Variants in BNC2 observed in about 807,000 individuals in gnomAD.
BNC2 encodes the protein zinc finger protein basonuclin-2.
Under a neutral mutation model 76.3 loss-of-function variants are expected in BNC2, and 20 were observed. The ratio of observed to expected loss-of-function variants is 0.26; its 90% confidence interval spans 0.18 to 0.38. The LOEUF is 0.38. Ranked by LOEUF, BNC2 falls within the 10% of genes least tolerant of loss-of-function variation. The pLI is 1.00. For synonymous variants in BNC2, 582 were observed against 514.8 expected, an observed-to-expected ratio of 1.13 and a Z score of -1.77; for missense variants, 1,382 against 1,399.8, an observed-to-expected ratio of 0.99 and a Z score of 0.20.
chr9:16,743,065 A>C (rs1824895938), intron 1 of BNC2, among the ~76,000 whole-genome samples: 1 of 152,176 alleles, frequency 6.6e-6, no homozygotes, highest in Non-Finnish European at 1.5e-5. Context: ...ACCCATGCTC[A>C]TTTCTTTTCT....
rs971626661 is a variant in BNC2 at position 16,411,568 on chromosome 9, G to T, written c.*7421C>A. On this transcript the variant is annotated 3_prime_UTR_variant, in exon 7 of 7. Coordinates refer to ENST00000380672, the MANE Select transcript of BNC2 (RefSeq NM_017637.6). ...GATTCTATTAAGATGTCTGATAAAC[G>T]ATTGTAACATATACATACTGAGGAA... 3.9e-5 allele frequency: 6 copies of T among 152,530 alleles called. No individual in the cohort carries two copies. Among genetic ancestry groups the T allele is most frequent in the Admixed American group, 6.5e-5 (1 of 15,272 alleles). The allele number at this position is 152,530 out of a possible 1,614,324, so 9.4% of individuals were successfully genotyped here.
intron 3 of BNC2, among the ~76,000 whole-genome samples, chr9:16,723,306 G>A (rs1192446847): frequency 1.3e-5 from 2 of 152,022 alleles, no homozygotes; most frequent in East Asian, 1.9e-4. Context: ...GCTTTACTCA[G>A]GGCTTTGATT....
chr9:16,742,942 G>C (rs548223672), intron 1 of BNC2, among the ~76,000 whole-genome samples: 2 of 152,288 alleles, frequency 1.3e-5, no homozygotes, highest in African/African-American at 4.8e-5. Flanking sequence ...ATGGGGGATG[G>C]AAACATCTCA....
intron 1 of BNC2, among the ~76,000 whole-genome samples, chr9:16,791,911 T>C (rs1357683951): frequency 6.6e-6 from 1 of 152,128 alleles, no homozygotes; most frequent in Non-Finnish European, 1.5e-5. Flanking sequence ...GAGACCAGCC[T>C]GGGCAGCATG....
intron 1 of BNC2, among the ~76,000 whole-genome samples, chr9:16,828,560 T>TAAAA (rs1362605912): frequency 2.0e-5 from 3 of 152,166 alleles, no homozygotes; most frequent in Non-Finnish European, 2.9e-5. Context: ...GACAGCAGAC[T>TAAAA]ACGGTCCCAC....
chr9:16,768,869 G>C (rs1395513604), intron 1 of BNC2, among the ~76,000 whole-genome samples: 1 of 152,180 alleles, frequency 6.6e-6, no homozygotes, highest in Non-Finnish European at 1.5e-5. Flanking sequence ...AATTTAAACA[G>C]GGTTCAGAAA....
intron 6 of BNC2, 104 bp from the exon 7 acceptor site, chr9:16,419,753 T>C (rs1820672994): frequency 2.6e-6 from 2 of 767,414 alleles, no homozygotes; most frequent in South Asian, 1.5e-5. Context: ...AGGTATCAAA[T>C]AAGCACATTC....
intron 1 of BNC2, among the ~76,000 whole-genome samples, chr9:16,846,258 T>C (rs1818981869): frequency 6.6e-6 from 1 of 152,186 alleles, no homozygotes; most frequent in African/African-American, 2.4e-5. Context: ...TACATTAACT[T>C]AATAAGAGGA....
At chr9:16,590,266 C>T (rs1030028480) in intron 3 of BNC2, among the ~76,000 whole-genome samples, 2 of 152,054 alleles carry the variant, frequency 1.3e-5, no homozygotes, top group Admixed American at 6.5e-5. Flanking sequence ...AATCTTGGCT[C>T]GCTGCAACCT....
chr9:16,724,164 C>T (rs1212553987), intron 3 of BNC2, among the ~76,000 whole-genome samples: 1 of 151,938 alleles, frequency 6.6e-6, no homozygotes, highest in Non-Finnish European at 1.5e-5. Context: ...TCTCTAGTAA[C>T]ACATTAAATG....
intron 3 of BNC2, among the ~76,000 whole-genome samples, chr9:16,591,655 T>C (rs1819933583): frequency 6.6e-6 from 1 of 152,190 alleles, no homozygotes; most frequent in Non-Finnish European, 1.5e-5. Flanking sequence ...CACAAGCATG[T>C]TAAACCATAG....
Position 16,861,181 on chromosome 9 carries a change from A to AATAT in BNC2, c.3+9461_3+9464dup, listed in dbSNP as rs71327866. ...ACATGGTAATACCCTATCTCTACAA[A>AATAT]ATATATATATATATATATATAAATT... On this transcript the variant is annotated intron_variant, in intron 1 of 6. Transcript: ENST00000380672. Among the ~76,000 whole-genome samples the AATAT allele has an allele frequency of 2.3e-3, 300 of 131,748 alleles. 21 individuals carry two copies. Among genetic ancestry groups the AATAT allele is most frequent in the African/African-American group, 8.7e-3 (279 of 32,116 alleles). The allele number at this position is 131,748 out of a possible 152,430, so 86.4% of individuals were successfully genotyped here.
intron 5 of BNC2, among the ~76,000 whole-genome samples, chr9:16,508,408 C>T (rs1173505894): frequency 6.6e-6 from 1 of 152,188 alleles, no homozygotes; most frequent in East Asian, 1.9e-4. Flanking sequence ...AAAAGAGACA[C>T]AGTCCTTCGA....
At chr9:16,805,922 AGT>A (rs1436458468) in intron 1 of BNC2, among the ~76,000 whole-genome samples, 1 of 152,220 alleles carries the variant, frequency 6.6e-6, no homozygotes, top group Non-Finnish European at 1.5e-5. Flanking sequence ...ACAAATTTTT[AGT>A]GTAACAGTAT....
At chr9:16,513,420 C>T (rs1822805460) in intron 5 of BNC2, among the ~76,000 whole-genome samples, 1 of 150,832 alleles carries the variant, frequency 6.6e-6, no homozygotes, top group South Asian at 2.1e-4. Context: ...CATTCTCCTG[C>T]CTCAGCCTCC....
chr9:16,480,759 G>C (rs1253645419), intron 5 of BNC2, among the ~76,000 whole-genome samples: 1 of 152,210 alleles, frequency 6.6e-6, no homozygotes, highest in Non-Finnish European at 1.5e-5. Flanking sequence ...GCAGGGCTCG[G>C]GACCTGCAGT....
chr9:16,425,478 A>ATTCTCCTGAGAAGCCAT, intron 6 of BNC2, among the ~76,000 whole-genome samples: 1 of 152,300 alleles, frequency 6.6e-6, no homozygotes, highest in East Asian at 1.9e-4. Flanking sequence ...ACAAGGGGCG[A>ATTCTCCTGAGAAGCCAT]TTCTCCTGAG....
intron 5 of BNC2, among the ~76,000 whole-genome samples, chr9:16,535,765 C>T (rs943515641): frequency 3.9e-5 from 6 of 152,148 alleles, no homozygotes; most frequent in Admixed American, 1.3e-4. Flanking sequence ...GCCACTGCAG[C>T]TCTGGGCTTT....
At chr9:16,850,249 T>A (rs982899531) in intron 1 of BNC2, among the ~76,000 whole-genome samples, 1 of 152,158 alleles carries the variant, frequency 6.6e-6, no homozygotes, top group Non-Finnish European at 1.5e-5. Flanking sequence ...ACTTAAAACA[T>A]AGAGCTGGCT....
Sources: allele counts gnomAD v4.1 joint callset (sites outside exome capture counted in the v4.1 genomes callset), GRCh38; gene constraint gnomAD v4.1.1; transcripts MANE v1.5; gene names NCBI Gene and HGNC (gene_info 2026-07-23, HGNC 2026-07-21).